Variants in ULK4 observed in about 807,000 individuals in gnomAD.
The protein encoded by ULK4 is unc-51 like kinase 4.
ULK4 carries 133 observed loss-of-function variants against 160.6 expected under a neutral mutation model. The ratio of observed to expected loss-of-function variants is 0.83; its 90% CI spans 0.72 to 0.96. ULK4 has a LOEUF of 0.96. Ranked by LOEUF, ULK4 falls within the 40% of genes least tolerant of loss-of-function variation. ULK4 has a pLI of 0.00. For missense variants in ULK4, 1,580 were observed against 1,499.5 expected (o/e 1.05, Z -0.89); for synonymous variants, 534 against 539.8 (o/e 0.99, Z 0.15).
chr3:41,444,670 T>C lies in ULK4; in HGVS notation c.3492+10827A>G, dbSNP rs1575227763. On this transcript the variant is annotated intron_variant, in intron 34 of 36. Coordinates refer to ENST00000301831, the MANE Select transcript of ULK4 (RefSeq NM_017886.4). Reference sequence around the variant, plus strand: ...TATGCAAAAGTATTCTTATCCTACATTTAAAAATCAAGGCAAGAAAATAAA... The same window carrying C: ...TATGCAAAAGTATTCTTATCCTACACTTAAAAATCAAGGCAAGAAAATAAA... Among the ~76,000 whole-genome samples the C allele has an allele frequency of 2.6e-5, 4 of 152,226 alleles. No homozygotes were observed. The East Asian group carries it at 7.7e-4, about 29-fold the overall frequency.
chr3:41,435,275 C>T (rs1196565730), intron 34 of ULK4, among the ~76,000 whole-genome samples: 1 of 152,198 alleles, frequency 6.6e-6, no homozygotes, highest in Non-Finnish European at 1.5e-5. Context: ...AATCTCACAT[C>T]TCAAGTCTTT....
At chr3:41,307,334 T>C (rs986267605) in intron 35 of ULK4, among the ~76,000 whole-genome samples, 3 of 152,152 alleles carry the variant, frequency 2.0e-5, no homozygotes, top group East Asian at 1.9e-4. Context: ...AAGATTTAGA[T>C]ACCAGGGAGG....
At chr3:41,555,746 T>A (rs1162372352) in intron 32 of ULK4, among the ~76,000 whole-genome samples, 1 of 152,202 alleles carries the variant, frequency 6.6e-6, no homozygotes, top group Non-Finnish European at 1.5e-5. Flanking sequence ...CTATTCACAA[T>A]AGCTAAGACA....
intron 12 of ULK4, among the ~76,000 whole-genome samples, chr3:41,902,592 A>G (rs1286722870): frequency 2.0e-5 from 3 of 151,036 alleles, no homozygotes; most frequent in East Asian, 1.9e-4. Context: ...AAAAAAGAAA[A>G]AAAAAAAAAA....
At chr3:41,343,066 C>T (rs557913271) in intron 35 of ULK4, among the ~76,000 whole-genome samples, 1 of 152,214 alleles carries the variant, frequency 6.6e-6, no homozygotes, top group East Asian at 1.9e-4. Context: ...CAGACAATAT[C>T]ATACTGAATG....
chr3:41,870,624 T>A (rs571600271), intron 17 of ULK4, among the ~76,000 whole-genome samples: 2 of 152,230 alleles, frequency 1.3e-5, no homozygotes, highest in Non-Finnish European at 2.9e-5. Flanking sequence ...TACATAATTA[T>A]AGAACAATAT....
chr3:41,652,885 C>A (rs1319103924), intron 30 of ULK4, among the ~76,000 whole-genome samples: 1 of 152,118 alleles, frequency 6.6e-6, no homozygotes, highest in Non-Finnish European at 1.5e-5. Context: ...GAGATGTGAA[C>A]CCAAAATTTG....
intron 5 of ULK4, among the ~76,000 whole-genome samples, chr3:41,931,496 A>G (rs1274919179): frequency 6.6e-6 from 1 of 151,672 alleles, no homozygotes; most frequent in African/African-American, 2.4e-5. Flanking sequence ...AAAGAAAGAA[A>G]TATGTTTCAA....
intron 20 of ULK4, among the ~76,000 whole-genome samples, chr3:41,796,889 A>G (rs2040314661): frequency 6.6e-6 from 1 of 152,172 alleles, no homozygotes; most frequent in Admixed American, 6.6e-5. Context: ...AGGAGCCCAG[A>G]ACGGTACGTG....
chr3:41,849,013 C>A (rs1018113244), intron 17 of ULK4, among the ~76,000 whole-genome samples: 1 of 152,148 alleles, frequency 6.6e-6, no homozygotes, highest in Non-Finnish European at 1.5e-5. Flanking sequence ...ATACTCTCTT[C>A]CTCTGCCTCA....
intron 30 of ULK4, among the ~76,000 whole-genome samples, chr3:41,644,568 T>C (rs1040466784): frequency 3.3e-5 from 5 of 152,202 alleles, no homozygotes; most frequent in African/African-American, 9.7e-5. Context: ...GGATAAGCTT[T>C]TGGATGTGCT....
intron 35 of ULK4, among the ~76,000 whole-genome samples, chr3:41,286,407 AT>A (rs918219227): frequency 6.6e-6 from 1 of 152,150 alleles, no homozygotes; most frequent in Non-Finnish European, 1.5e-5. Flanking sequence ...ATTATTAGAT[AT>A]GTCCAGCCTA....
chr3:41,927,547 G>C (rs1026606238), intron 5 of ULK4, among the ~76,000 whole-genome samples: 4 of 151,854 alleles, frequency 2.6e-5, no homozygotes, highest in Non-Finnish European at 4.4e-5. Context: ...AAAAGACATA[G>C]ACTGACAAAT....
At chr3:41,913,030 A>G (rs201121720) in intron 8 of ULK4, 131 bp from the exon 9 acceptor site, 1 of 717,422 alleles carries the variant, frequency 1.4e-6, no homozygotes, top group East Asian at 2.7e-5. Flanking sequence ...TTTATATTTT[A>G]TTATTTCATT....
chr3:41,899,038 T>C (rs555738637), intron 13 of ULK4: 2 of 153,312 alleles, frequency 1.3e-5, no homozygotes, highest in Non-Finnish European at 2.9e-5. Flanking sequence ...AGCACTTTAG[T>C]TGATATAGTT....
chr3:41,787,071 A>G (rs1239128899), intron 21 of ULK4, among the ~76,000 whole-genome samples: 1 of 152,128 alleles, frequency 6.6e-6, no homozygotes, highest in East Asian at 1.9e-4. Context: ...TTTTTAGAAA[A>G]TAGCTACTCT....
chr3:41,580,890 C>T (rs1490113333), intron 31 of ULK4, among the ~76,000 whole-genome samples: 1 of 152,174 alleles, frequency 6.6e-6, no homozygotes, highest in African/African-American at 2.4e-5. Flanking sequence ...TTCCAAATTA[C>T]TCCCAGGAAA....
At chr3:41,614,889 C>G (rs1467226189) in intron 31 of ULK4, among the ~76,000 whole-genome samples, 2 of 152,172 alleles carry the variant, frequency 1.3e-5, no homozygotes, top group African/African-American at 4.8e-5. Context: ...TTAGGCTGAT[C>G]TGGCTGGGGA....
intron 35 of ULK4, among the ~76,000 whole-genome samples, chr3:41,284,905 A>G (rs1352541433): frequency 6.6e-6 from 1 of 152,224 alleles, no homozygotes; most frequent in African/African-American, 2.4e-5. Flanking sequence ...TATGAAAAAA[A>G]GAAACCCATC....
Sources: allele counts gnomAD v4.1 joint callset (sites outside exome capture counted in the v4.1 genomes callset), GRCh38; gene constraint gnomAD v4.1.1; transcripts MANE v1.5; gene names NCBI Gene and HGNC (gene_info 2026-07-23, HGNC 2026-07-21).